Variants in PLCB1 observed in about 807,000 individuals in gnomAD.
PLCB1 encodes the protein phospholipase C beta 1, also known as 1-phosphatidylinositol 4,5-bisphosphate phosphodiesterase beta-1.
A neutral mutation model predicts 161.8 loss-of-function variants in PLCB1; 46 were observed. The observed-to-expected ratio is 0.28, with a 90% CI of 0.22 to 0.36. PLCB1 has a LOEUF of 0.36. PLCB1 is among the 10% of genes least tolerant of loss of function. The pLI is 1.00. For missense variants in PLCB1, 1,016 were observed against 1,472.5 expected (o/e 0.69, Z 5.07); for synonymous variants, 517 against 503.7 (o/e 1.03, Z -0.35).
chr20:8,629,742 G>A (rs1452295050), intron 4 of PLCB1, among the ~76,000 whole-genome samples: 3 of 151,922 alleles, frequency 2.0e-5, no homozygotes, highest in South Asian at 2.1e-4. Context: ...TCAGTGCTCT[G>A]GTGATTTTCT....
rs771644565 is a variant in PLCB1, at chr20:8,757,156, T to G, written c.2634T>G (p.Ala878=). The stretch of plus-strand genomic sequence containing the variant: ...TGACACCCAAGCCACCCTCCCAGGC[T>G]CTCCACAGCCAGCCAGCTCCAGGTA... ...TTLTPKPPSQ[A]LHSQPAPGSV... is the part of the protein sequence containing the mutation. Residue 878 remains alanine (A), a synonymous_variant, in exon 24 of 32, where the codon GCT becomes GCG. Transcript: ENST00000338037. 3.7e-6 allele frequency: 6 copies of G among 1,611,182 alleles called. No homozygotes were observed. The East Asian group carries it at 1.3e-4, about 36-fold the overall frequency.
intron 2 of PLCB1, among the ~76,000 whole-genome samples, chr20:8,296,860 A>G (rs985088120): frequency 6.6e-6 from 1 of 152,202 alleles, no homozygotes; most frequent in Admixed American, 6.5e-5. Flanking sequence ...CAGACATTAT[A>G]TATCATGAAA....
chr20:8,329,086 A>G (rs904573377), intron 2 of PLCB1, among the ~76,000 whole-genome samples: 2 of 152,196 alleles, frequency 1.3e-5, no homozygotes, highest in Non-Finnish European at 2.9e-5. Flanking sequence ...TTAAATGACA[A>G]AATTTAATTC....
intron 10 of PLCB1, among the ~76,000 whole-genome samples, chr20:8,693,370 T>C (rs573396984): frequency 6.6e-6 from 1 of 152,268 alleles, no homozygotes; most frequent in South Asian, 2.1e-4. Context: ...AGCACCATGG[T>C]TTCACTGGGG....
intron 10 of PLCB1, among the ~76,000 whole-genome samples, chr20:8,689,196 A>G (rs1330889426): frequency 1.3e-5 from 2 of 151,728 alleles, no homozygotes; most frequent in African/African-American, 4.8e-5. Flanking sequence ...TTAATCTTGT[A>G]TCTGAAAACT....
chr20:8,640,002 A>G (rs1988893397), intron 4 of PLCB1, among the ~76,000 whole-genome samples: 1 of 152,222 alleles, frequency 6.6e-6, no homozygotes, highest in South Asian at 2.1e-4. Flanking sequence ...TCGTTCTTAT[A>G]GCAGAGGAAG....
chr20:8,538,590 C>CAGGAG (rs1985146406), intron 3 of PLCB1, among the ~76,000 whole-genome samples: 2 of 152,256 alleles, frequency 1.3e-5, no homozygotes, highest in South Asian at 4.1e-4. Context: ...CTTAAGTGAT[C>CAGGAG]CTCCTGCCTT....
intron 2 of PLCB1, among the ~76,000 whole-genome samples, chr20:8,260,050 A>G (rs1981615753): frequency 6.6e-6 from 1 of 152,074 alleles, no homozygotes; most frequent in Non-Finnish European, 1.5e-5. Flanking sequence ...GCCAAGGAAT[A>G]AAGACTACTA....
chr20:8,850,425 G>A (rs966578993), intron 31 of PLCB1, among the ~76,000 whole-genome samples: 1 of 152,280 alleles, frequency 6.6e-6, no homozygotes, highest in Admixed American at 6.5e-5. Context: ...CCTTTACTGG[G>A]TTAGGAAAAG....
intron 2 of PLCB1, among the ~76,000 whole-genome samples, chr20:8,185,434 A>G (rs188386451): frequency 5.8e-4 from 89 of 152,228 alleles, no homozygotes; most frequent in Admixed American, 1.6e-3. Context: ...GCAGAAGGAA[A>G]AGGTAGAGAA....
intron 3 of PLCB1, among the ~76,000 whole-genome samples, chr20:8,415,540 G>A (rs771616833): frequency 6.6e-6 from 1 of 152,174 alleles, no homozygotes; most frequent in Non-Finnish European, 1.5e-5. Flanking sequence ...AGTAGGGGGA[G>A]TGAAGCAGAG....
chr20:8,544,847 T>C (rs980611121), intron 3 of PLCB1, among the ~76,000 whole-genome samples: 1 of 151,544 alleles, frequency 6.6e-6, no homozygotes, highest in Non-Finnish European at 1.5e-5. Flanking sequence ...AAACACAAAA[T>C]AGTGAAATAC....
intron 18 of PLCB1, among the ~76,000 whole-genome samples, chr20:8,732,741 T>G (rs1157647498): frequency 2.8e-5 from 4 of 142,706 alleles, no homozygotes; most frequent in Non-Finnish European, 6.0e-5. Context: ...TATATTAGAA[T>G]GATATATTTA....
chr20:8,587,811 T>G (rs753055489), intron 3 of PLCB1, among the ~76,000 whole-genome samples: 1 of 152,178 alleles, frequency 6.6e-6, no homozygotes, highest in Non-Finnish European at 1.5e-5. Flanking sequence ...AGTCCTGGGT[T>G]TGAGCTTTTT....
chr20:8,133,468 TAGAC>T (rs995745528), intron 1 of PLCB1, among the ~76,000 whole-genome samples: 5 of 152,006 alleles, frequency 3.3e-5, no homozygotes, highest in African/African-American at 1.2e-4. Context: ...CTGCCTGAAA[TAGAC>T]AGGTTGAGAG....
intron 2 of PLCB1, among the ~76,000 whole-genome samples, chr20:8,196,487 A>G (rs879337710): frequency 4.0e-5 from 6 of 151,898 alleles, no homozygotes; most frequent in Admixed American, 3.3e-4. Context: ...ATGGAAAATA[A>G]AAGCTCAACA....
chr20:8,585,389 G>C (rs993903963), intron 3 of PLCB1, among the ~76,000 whole-genome samples: 1 of 152,186 alleles, frequency 6.6e-6, no homozygotes. Context: ...GCTCAGAAGA[G>C]GTCACAGTTT....
intron 26 of PLCB1, among the ~76,000 whole-genome samples, chr20:8,770,672 G>A (rs1982631947): frequency 6.6e-6 from 1 of 152,194 alleles, no homozygotes; most frequent in African/African-American, 2.4e-5. Context: ...AGGAAGATGG[G>A]AAGCCGGGAG....
chr20:8,317,215 G>A (rs1984698995), intron 2 of PLCB1, among the ~76,000 whole-genome samples: 1 of 152,102 alleles, frequency 6.6e-6, no homozygotes, highest in African/African-American at 2.4e-5. Flanking sequence ...ATAATAGAAT[G>A]CATAAAAGTG....
Sources: allele counts gnomAD v4.1 joint callset (sites outside exome capture counted in the v4.1 genomes callset), GRCh38; gene constraint gnomAD v4.1.1; transcripts MANE v1.5; gene names NCBI Gene and HGNC (gene_info 2026-07-23, HGNC 2026-07-21).